Variants in SLC4A10 observed in about 807,000 individuals in gnomAD.
SLC4A10 encodes sodium-driven chloride bicarbonate exchanger.
A neutral mutation model predicts 137.7 loss-of-function variants in SLC4A10; 42 were observed. The ratio of observed to expected loss-of-function variants is 0.30; its 90% confidence interval spans 0.24 to 0.39. The LOEUF is 0.39. Ranked by LOEUF, SLC4A10 falls within the 10% of genes least tolerant of loss-of-function variation. The pLI, the probability that SLC4A10 is intolerant of heterozygous loss-of-function variation, is 1.00. For missense variants in SLC4A10, 925 were observed against 1,355.0 expected (o/e 0.68, Z 4.98); for synonymous variants, 474 against 464.1 (o/e 1.02, Z -0.27).
At chr2:161,660,470 C>G (rs1197284319) in intron 1 of SLC4A10, among the ~76,000 whole-genome samples, 3 of 152,118 alleles carry the variant, frequency 2.0e-5, no homozygotes, top group Non-Finnish European at 2.9e-5. Flanking sequence ...TCCAGGACTT[C>G]TACCATATTT....
At chr2:161,940,135 G>C (rs1210383262) in intron 15 of SLC4A10, among the ~76,000 whole-genome samples, 1 of 152,056 alleles carries the variant, frequency 6.6e-6, no homozygotes, top group Non-Finnish European at 1.5e-5. Flanking sequence ...ACTAAATCTT[G>C]GTAAGAACAA....
At chr2:161,665,022 AG>A in intron 1 of SLC4A10, among the ~76,000 whole-genome samples, 1 of 151,962 alleles carries the variant, frequency 6.6e-6, no homozygotes, top group Non-Finnish European at 1.5e-5. Flanking sequence ...TACAACATTT[AG>A]TATACAAGTT....
rs11677530 is a variant in SLC4A10, at chr2:161,687,083, A to T, written c.48+62517A>T. On this transcript the variant is annotated intron_variant, in intron 1 of 26. Transcript: ENST00000446997. ...TTTTTAGGAGACACAGGGTTTTGCC[A>T]TGTTGGCCAGACTGGTCTTGAACTC... Among the ~76,000 whole-genome samples, 396 of 152,196 alleles carry T rather than the reference A, an allele frequency of 2.6e-3. 1 individual carries two copies. The highest frequency in any genetic ancestry group is 4.4e-3 in the Non-Finnish European group (299 of 68,000).
rs1032191419 is a variant in SLC4A10, at chr2:161,876,873, ATAATG to A, written c.949-2247_949-2243del. 5.3e-5 allele frequency among the ~76,000 whole-genome samples: 8 copies of A among 152,174 alleles called. No homozygotes were observed. In the East Asian group the frequency reaches 9.6e-4, roughly 18 times the overall value. ...CCCAAAGTATATGATTACTCCAAGA[ATAATG>A]TAATGTAATGAGTATAATACAATGG... On this transcript the variant is annotated intron_variant, in intron 8 of 26. Transcript: ENST00000446997.
intron 3 of SLC4A10, among the ~76,000 whole-genome samples, chr2:161,830,390 A>T (rs1352613736): frequency 6.6e-6 from 1 of 151,904 alleles, no homozygotes; most frequent in Non-Finnish European, 1.5e-5. Context: ...TGCCAGTGTT[A>T]TATTTAGTTT....
intron 15 of SLC4A10, among the ~76,000 whole-genome samples, chr2:161,908,214 C>G (rs1408018940): frequency 6.6e-6 from 1 of 151,878 alleles, no homozygotes. Flanking sequence ...AGGCAAGAAA[C>G]AAGAAATGTA....
rs180803210 is a variant in SLC4A10 at position 161,870,561 on chromosome 2, A to G, written c.767-1732A>G. Among the ~76,000 whole-genome samples the G allele has an allele frequency of 8.3e-3, 1,255 of 152,040 alleles. 6 individuals are homozygous for G. The highest frequency in any genetic ancestry group is 0.014 in the Non-Finnish European group (970 of 67,748). The stretch of plus-strand genomic sequence containing the variant: ...AGTTTTAAATATATCTAATGTTCTA[A>G]CTCATTAAAATATGGAGAAATGATG... On this transcript the variant is annotated intron_variant, in intron 6 of 26. Transcript: ENST00000446997.
chr2:161,895,699 C>T (rs1044703618), intron 11 of SLC4A10, among the ~76,000 whole-genome samples: 2 of 152,138 alleles, frequency 1.3e-5, no homozygotes, highest in African/African-American at 2.4e-5. Flanking sequence ...CTTTTGGCTG[C>T]ATAAATGTCT....
intron 15 of SLC4A10, among the ~76,000 whole-genome samples, chr2:161,936,286 C>T (rs1486730493): frequency 6.6e-6 from 1 of 152,078 alleles, no homozygotes; most frequent in Non-Finnish European, 1.5e-5. Context: ...CATTGTAATG[C>T]TTTCCTCATA....
At chr2:161,815,250 C>T (rs1043272092) in intron 3 of SLC4A10, among the ~76,000 whole-genome samples, 13 of 152,014 alleles carry the variant, frequency 8.6e-5, no homozygotes, top group African/African-American at 3.1e-4. Flanking sequence ...CTGTAATCCC[C>T]ATGTGTCCAA....
chr2:161,818,642 GA>G (rs1324338387), intron 3 of SLC4A10, among the ~76,000 whole-genome samples: 1 of 152,102 alleles, frequency 6.6e-6, no homozygotes, highest in Non-Finnish European at 1.5e-5. Flanking sequence ...ATTATTTTGA[GA>G]TACATCCCAT....
intron 1 of SLC4A10, among the ~76,000 whole-genome samples, chr2:161,693,091 G>T (rs1298061817): frequency 6.6e-6 from 1 of 151,998 alleles, no homozygotes; most frequent in Non-Finnish European, 1.5e-5. Context: ...GGAGAAAAAG[G>T]CAAGTTCGAG....
chr2:161,751,491 G>T (rs2048973805), intron 1 of SLC4A10, among the ~76,000 whole-genome samples: 1 of 151,116 alleles, frequency 6.6e-6, no homozygotes, highest in Non-Finnish European at 1.5e-5. Flanking sequence ...TTTAAGCTGA[G>T]AAAAACTTAA....
At chr2:161,942,703 C>T in intron 15 of SLC4A10, 89 bp from the exon 16 acceptor site, 1 of 934,608 alleles carries the variant, frequency 1.1e-6, no homozygotes, top group South Asian at 1.4e-5. Context: ...AATGCTGTGA[C>T]TGGAGAAAAT....
intron 23 of SLC4A10, among the ~76,000 whole-genome samples, chr2:161,965,755 C>A (rs1215872523): frequency 1.3e-5 from 2 of 152,016 alleles, no homozygotes; most frequent in African/African-American, 4.8e-5. Flanking sequence ...TTATTTTATT[C>A]TATTTTATAT....
chr2:161,730,110 CATTA>C (rs1176375721), intron 1 of SLC4A10, among the ~76,000 whole-genome samples: 4 of 152,294 alleles, frequency 2.6e-5, no homozygotes, highest in Non-Finnish European at 5.9e-5. Flanking sequence ...CAGAACAATA[CATTA>C]ATTAATTAAC....
intron 11 of SLC4A10, among the ~76,000 whole-genome samples, chr2:161,899,077 C>T (rs2063820166): frequency 6.6e-6 from 1 of 152,078 alleles, no homozygotes; most frequent in Non-Finnish European, 1.5e-5. Flanking sequence ...CATCCACATA[C>T]TCTGCCTTCC....
chr2:161,742,550 C>T lies in SLC4A10; in HGVS notation c.49-28423C>T, dbSNP rs551969547. On this transcript the variant is annotated intron_variant, in intron 1 of 26. Transcript: ENST00000446997. ...CTGCCTCCTGAGTTCAAGGGATTCT[C>T]CTGCCTCAGCCTCCTGGGTAGCTGA... Among the ~76,000 whole-genome samples the T allele has an allele frequency of 2.7e-5, 4 of 149,834 alleles. No homozygotes were observed. The South Asian group carries it at 6.4e-4, about 24-fold the overall frequency.
chr2:161,663,851 G>C (rs2038733621), intron 1 of SLC4A10, among the ~76,000 whole-genome samples: 1 of 151,996 alleles, frequency 6.6e-6, no homozygotes, highest in Admixed American at 6.6e-5. Flanking sequence ...TTGAACAGCT[G>C]ATAGTTTGAC....
Sources: allele counts gnomAD v4.1 joint callset (sites outside exome capture counted in the v4.1 genomes callset), GRCh38; gene constraint gnomAD v4.1.1; transcripts MANE v1.5; gene names NCBI Gene and HGNC (gene_info 2026-07-23, HGNC 2026-07-21).